HEMK2: variants seen among roughly 807,000 people sequenced by gnomAD.
The protein encoded by HEMK2 is methyltransferase HEMK2.
At chr21:28,588,573 G>T in the HEMK2 span, among the ~76,000 whole-genome samples, 234 of 152,234 alleles carry the variant, frequency 1.5e-3, 1 homozygote, top group African/African-American at 5.2e-3. Flanking sequence ...AACAAAAGAA[G>T]AAAGTCAGTC....
chr21:28,763,379 G>A, the HEMK2 span, among the ~76,000 whole-genome samples: 1 of 152,102 alleles, frequency 6.6e-6, no homozygotes, highest in South Asian at 2.1e-4. Flanking sequence ...TATGGTGAGA[G>A]AGGAAGCAAG....
chr21:28,863,187 C>T, the HEMK2 span, among the ~76,000 whole-genome samples: 1 of 151,752 alleles, frequency 6.6e-6, no homozygotes, highest in Admixed American at 6.6e-5. Context: ...AATCAGCTGC[C>T]AGCATGGCTA....
At chr21:28,878,329 C>A in the HEMK2 span, 1 of 1,612,850 alleles carries the variant, frequency 6.2e-7, no homozygotes, top group Non-Finnish European at 8.5e-7. Context: ...TCCGTGACTT[C>A]CTACCTGTGA....
At chr21:28,587,762 T>A in the HEMK2 span, among the ~76,000 whole-genome samples, 1 of 152,290 alleles carries the variant, frequency 6.6e-6, no homozygotes, top group South Asian at 2.1e-4. Flanking sequence ...ATTCCAGAAA[T>A]TCAAAATGCA....
At chr21:28,599,137 G>T in the HEMK2 span, among the ~76,000 whole-genome samples, 4 of 152,202 alleles carry the variant, frequency 2.6e-5, no homozygotes, top group Non-Finnish European at 5.9e-5. Context: ...ATGCTAATGT[G>T]GTCCAGGGTA....
At chr21:28,737,688 A>G in the HEMK2 span, among the ~76,000 whole-genome samples, 1 of 152,222 alleles carries the variant, frequency 6.6e-6, no homozygotes, top group East Asian at 1.9e-4. Context: ...TGTAAGGAAC[A>G]TATATTTATT....
chr21:28,721,094 T>C, the HEMK2 span, among the ~76,000 whole-genome samples: 1 of 152,158 alleles, frequency 6.6e-6, no homozygotes, highest in East Asian at 1.9e-4. Flanking sequence ...TCAGACACAG[T>C]ATGATAAAAA....
At chr21:28,704,334 T>C in the HEMK2 span, among the ~76,000 whole-genome samples, 35 of 152,258 alleles carry the variant, frequency 2.3e-4, 1 homozygote, top group African/African-American at 7.0e-4. Flanking sequence ...AATCTCCTTA[T>C]ACTCATGAGG....
the HEMK2 span, among the ~76,000 whole-genome samples, chr21:28,678,511 G>A: frequency 1.6e-4 from 25 of 152,118 alleles, no homozygotes; most frequent in East Asian, 1.2e-3. Flanking sequence ...CTAGCAAGGC[G>A]GGCCAACATT....
the HEMK2 span, among the ~76,000 whole-genome samples, chr21:28,650,122 C>A: frequency 3.3e-5 from 5 of 152,134 alleles, no homozygotes; most frequent in Non-Finnish European, 7.4e-5. Context: ...GCCAGCCAGG[C>A]GCGGTGGCTC....
chr21:28,821,322 C>T, the HEMK2 span, among the ~76,000 whole-genome samples: 2 of 152,230 alleles, frequency 1.3e-5, no homozygotes, highest in African/African-American at 4.8e-5. Flanking sequence ...ATCTCCGCTG[C>T]CCCACTGCGG....
chr21:28,592,268 T>C, the HEMK2 span, among the ~76,000 whole-genome samples: 2 of 152,210 alleles, frequency 1.3e-5, no homozygotes, highest in African/African-American at 2.4e-5. Context: ...TGTTATTGCA[T>C]TGTAATTTTG....
At chr21:28,674,404 A>T in the HEMK2 span, among the ~76,000 whole-genome samples, 1 of 152,112 alleles carries the variant, frequency 6.6e-6, no homozygotes, top group African/African-American at 2.4e-5. Flanking sequence ...CTCGCTCAAG[A>T]TCCAAGAACC....
At chr21:28,738,870 G>T in the HEMK2 span, among the ~76,000 whole-genome samples, 34,784 of 152,086 alleles carry the variant, frequency 0.23, 4,615 homozygotes, top group African/African-American at 0.35. Context: ...TTTACAATGG[G>T]GACAAAACAA....
At chr21:28,831,470 A>AGAAC in the HEMK2 span, among the ~76,000 whole-genome samples, 124 of 37,514 alleles carry the variant, frequency 3.3e-3, 10 homozygotes, top group East Asian at 0.086. Context: ...AACGAAAGAA[A>AGAAC]GAAAGAAAGA....
chr21:28,595,487 T>C, the HEMK2 span, among the ~76,000 whole-genome samples: 1 of 152,216 alleles, frequency 6.6e-6, no homozygotes, highest in Non-Finnish European at 1.5e-5. Context: ...TCCAGTTTCA[T>C]CCATGTTGTT....
At chr21:28,742,000 C>G in the HEMK2 span, among the ~76,000 whole-genome samples, 34,777 of 152,044 alleles carry the variant, frequency 0.23, 4,621 homozygotes, top group African/African-American at 0.35. Flanking sequence ...GCCTTCTTTA[C>G]AGGGAAAGCA....
chr21:28,819,420 CAA>C, the HEMK2 span, among the ~76,000 whole-genome samples: 1 of 151,096 alleles, frequency 6.6e-6, no homozygotes, highest in East Asian at 1.9e-4. Context: ...GTTATATAAC[CAA>C]AAAATTCGAT....
At chr21:28,612,381 A>T in the HEMK2 span, among the ~76,000 whole-genome samples, 1 of 152,176 alleles carries the variant, frequency 6.6e-6, no homozygotes, top group Non-Finnish European at 1.5e-5. Context: ...AAAATCCAAC[A>T]TCCCTTTATG....
Sources: gnomAD v4.1 joint callset for allele counts (sites outside exome capture counted in the v4.1 genomes callset) on GRCh38, gnomAD v4.1.1 for gene constraint, MANE v1.5 for transcripts, NCBI Gene and HGNC (gene_info 2026-07-23, HGNC 2026-07-21) for gene names.